POLA1: variants seen among roughly 807,000 people sequenced by gnomAD.
POLA1 encodes the protein DNA polymerase alpha catalytic subunit.
POLA1 carries 15 observed loss-of-function variants against 124.0 expected under a neutral mutation model. The observed-to-expected ratio is 0.12, with a 90% confidence interval of 0.08 to 0.19. The LOEUF is 0.19. Among genes scored for constraint, POLA1 ranks in the 10% least tolerant of loss-of-function variants. POLA1 has a pLI of 1.00. For missense variants in POLA1, 886 were observed against 1,103.4 expected (o/e 0.80, Z 2.79); for synonymous variants, 408 against 389.4 (o/e 1.05, Z -0.56).
intron 8 of POLA1, 57 bp from the exon 9 acceptor site, chrX:24,717,233 G>T: frequency 2.9e-6 from 3 of 1,030,142 alleles, no homozygotes. Context: ...GTGTGCCTTT[G>T]TGTGCCTTTG....
chrX:24,949,660 A>G (rs367712328), intron 36 of POLA1, among the ~76,000 whole-genome samples: 37 of 108,481 alleles, frequency 3.4e-4, no homozygotes, highest in African/African-American at 1.2e-3. Flanking sequence ...AGTAAATCAT[A>G]TAAAAATATA....
rs1177687876 is a variant in POLA1 at position 24,996,216 on chromosome X, TC to T, written c.*268del. ...CCTCCCCAAGCTCCCCTCCCCAAGC[TC>T]CTGAAGACCCGGTTTCTGAGGGAGG... is the stretch of plus-strand genomic sequence containing the variant. On this transcript the variant is annotated 3_prime_UTR_variant, in exon 37 of 37. Transcript: ENST00000379068. The T allele has an allele frequency of 2.0e-5, 5 of 254,824 alleles. No individual in the cohort carries two copies. The highest frequency in any genetic ancestry group is 1.3e-4 in the Admixed American group (2 of 15,547). 21.0% of individuals were successfully genotyped at this position (254,824 alleles called of 1,213,427 possible).
intron 26 of POLA1, among the ~76,000 whole-genome samples, chrX:24,807,419 T>A (rs894726065): frequency 8.9e-6 from 1 of 112,194 alleles, no homozygotes; most frequent in Admixed American, 9.4e-5. Flanking sequence ...CTTGGGTTGG[T>A]CTCATTATTG....
In POLA1 at chrX:24,872,923, G is replaced by A. The variant is rs1346562513; in HGVS notation, c.4048-15083G>A. On this transcript the variant is annotated intron_variant, in intron 34 of 36. Coordinates refer to ENST00000379068, the MANE Select transcript of POLA1 (RefSeq NM_001330360.2). ...AGTTTTAGGTCACAGCACAATTTCAGAGTAAGGTACAGAGATTTCCCATAT... is the reference window on the plus strand; with the variant it reads ...AGTTTTAGGTCACAGCACAATTTCAAAGTAAGGTACAGAGATTTCCCATAT... Among the ~76,000 whole-genome samples the A allele has an allele frequency of 3.6e-5, 4 of 111,170 alleles. 1 individual carries two copies. The highest frequency in any genetic ancestry group is 7.5e-5 in the Non-Finnish European group (4 of 52,986).
In POLA1 at chrX:24,922,807, A is replaced by T. The variant is rs549395926; in HGVS notation, c.4165-7646A>T. Reference sequence around the variant, plus strand: ...AGGTTTTAAGGGTGTCTCCAGCTTAAGCATCAATAAACATTTCTAGACCAT... The same window carrying T: ...AGGTTTTAAGGGTGTCTCCAGCTTATGCATCAATAAACATTTCTAGACCAT... On this transcript the variant is annotated intron_variant, in intron 35 of 36. Transcript: ENST00000379068. Among the ~76,000 whole-genome samples the T allele has an allele frequency of 5.1e-4, 57 of 112,010 alleles. No individual in the cohort carries two copies. In the South Asian group the frequency reaches 0.021, roughly 41 times the overall value.
chrX:24,927,597 C>T (rs768655012), intron 35 of POLA1, among the ~76,000 whole-genome samples: 14 of 111,934 alleles, frequency 1.3e-4, no homozygotes, highest in Non-Finnish European at 2.4e-4. Context: ...TACCAAATCA[C>T]AGTCGGCCAC....
chrX:24,892,056 C>T (rs1212354708), intron 35 of POLA1, among the ~76,000 whole-genome samples: 2 of 111,171 alleles, frequency 1.8e-5, no homozygotes, highest in African/African-American at 3.3e-5. Context: ...TCTGCTGGCT[C>T]GCATTGCCAG....
Position 24,699,406 on chromosome X carries a change from A to C in POLA1, c.44-19A>C. The C allele has an allele frequency of 8.9e-7, 1 of 1,129,225 alleles. No individual in the cohort carries two copies. Among genetic ancestry groups the C allele is most frequent in the South Asian group, 2.3e-5 (1 of 44,264 alleles). 93.1% of individuals were successfully genotyped at this position (1,129,225 alleles called of 1,213,427 possible). On this transcript the variant is annotated intron_variant, in intron 1 of 36. Coordinates refer to ENST00000379068, the MANE Select transcript of POLA1 (RefSeq NM_001330360.2). ...GACAATTTTGTAACATCTGTTGTAA[A>C]TTTTTTTTCTTTTTTCAGCTCTGTC...
intron 19 of POLA1, among the ~76,000 whole-genome samples, chrX:24,738,477 T>TA (rs1179096946): frequency 2.5e-4 from 26 of 104,559 alleles, no homozygotes; most frequent in South Asian, 4.1e-4. Flanking sequence ...TATCTTGTAA[T>TA]AAAAAAAAAA....
intron 32 of POLA1, among the ~76,000 whole-genome samples, chrX:24,828,990 G>A (rs1173366823): frequency 8.9e-6 from 1 of 112,073 alleles, no homozygotes; most frequent in Non-Finnish European, 1.9e-5. Context: ...TGTATCATAG[G>A]CTGCCTTATG....
At chrX:24,768,181 C>T (rs980229855) in intron 26 of POLA1, among the ~76,000 whole-genome samples, 14 of 112,337 alleles carry the variant, frequency 1.2e-4, no homozygotes, top group Non-Finnish European at 2.6e-4. Context: ...GGTTGGTTAG[C>T]ATTTGCTGCC....
intron 26 of POLA1, among the ~76,000 whole-genome samples, chrX:24,801,673 A>G (rs2045706486): frequency 1.8e-5 from 2 of 111,391 alleles, no homozygotes; most frequent in African/African-American, 6.5e-5. Context: ...CCTAACATTT[A>G]TTGAGCTCTT....
chrX:24,971,675 C>CT (rs1234592073), intron 36 of POLA1, among the ~76,000 whole-genome samples: 1 of 112,237 alleles, frequency 8.9e-6, no homozygotes, highest in Non-Finnish European at 1.9e-5. Flanking sequence ...TACACACACC[C>CT]ATACAGATAG....
intron 35 of POLA1, among the ~76,000 whole-genome samples, chrX:24,916,025 A>T (rs759771722): frequency 1.1e-4 from 12 of 112,249 alleles, no homozygotes; most frequent in Non-Finnish European, 2.1e-4. Context: ...TTACAGAACA[A>T]TTAGAGCCAA....
At chrX:24,778,364 G>A (rs1449618557) in intron 26 of POLA1, among the ~76,000 whole-genome samples, 3 of 111,104 alleles carry the variant, frequency 2.7e-5, no homozygotes, top group African/African-American at 9.9e-5. Context: ...CTGAGTAGCT[G>A]GGACTACAGG....
At chrX:24,817,990 G>T in intron 30 of POLA1, among the ~76,000 whole-genome samples, 2 of 102,609 alleles carry the variant, frequency 1.9e-5, no homozygotes, top group Middle Eastern at 0.01. Context: ...AAAATGACAG[G>T]TTAAATTAGG....
Position 24,788,408 on chromosome X carries a change from G to A in POLA1, c.2965-21490G>A, listed in dbSNP as rs756182532. On this transcript the variant is annotated intron_variant, in intron 26 of 36. Transcript: ENST00000379068. Reference sequence around the variant, plus strand: ...GGATGGATTTTAGATCTTGTTGAAAGCAGCCACATCCATGGACTGCACGTA... The same window carrying A: ...GGATGGATTTTAGATCTTGTTGAAAACAGCCACATCCATGGACTGCACGTA... 1.0e-5 allele frequency: 12 copies of A among 1,189,467 alleles called. No homozygotes were observed. In the African/African-American group the frequency reaches 2.0e-4, roughly 20 times the overall value.
intron 35 of POLA1, among the ~76,000 whole-genome samples, chrX:24,888,600 G>GTTTT (rs869301308): frequency 1.6e-4 from 8 of 49,144 alleles, no homozygotes; most frequent in Admixed American, 2.5e-4. Context: ...TTGTTTGCTT[G>GTTTT]TTTTTTTTTT....
intron 31 of POLA1, among the ~76,000 whole-genome samples, chrX:24,823,433 G>T (rs1408463449): frequency 1.9e-5 from 2 of 103,533 alleles, no homozygotes; most frequent in Non-Finnish European, 2.0e-5. Context: ...ATGGAGTCTC[G>T]CTCTGTTGCC....
Sources: allele counts gnomAD v4.1 joint callset (sites outside exome capture counted in the v4.1 genomes callset), GRCh38; gene constraint gnomAD v4.1.1; transcripts MANE v1.5; gene names NCBI Gene and HGNC (gene_info 2026-07-23, HGNC 2026-07-21).